The following CADM2 variants were observed in gnomAD, a reference collection of about 807,000 sequenced individuals.
CADM2 encodes the protein immunoglobulin superfamily member 4D.
A neutral mutation model predicts 49.8 loss-of-function variants in CADM2; 12 were observed. That is an observed-to-expected ratio of 0.24 (90% CI 0.15 to 0.39). The LOEUF (loss-of-function observed/expected upper bound fraction) is 0.39. Ranked by LOEUF, CADM2 falls within the 10% of genes least tolerant of loss-of-function variation. CADM2 has a pLI of 1.00. For synonymous variants in CADM2, 214 were observed against 175.4 expected, an observed-to-expected ratio of 1.22 and a Z score of -1.74; for missense variants, 378 against 492.3, an observed-to-expected ratio of 0.77 and a Z score of 2.20.
At chr3:85,487,599 A>G (rs1304366751) in intron 1 of CADM2, among the ~76,000 whole-genome samples, 1 of 150,016 alleles carries the variant, frequency 6.7e-6, no homozygotes, top group Non-Finnish European at 1.5e-5. Context: ...GAGAAGGAGG[A>G]AGTGGAGGAG....
chr3:85,594,216 T>A (rs1023907901), intron 1 of CADM2, among the ~76,000 whole-genome samples: 2 of 151,904 alleles, frequency 1.3e-5, no homozygotes, highest in South Asian at 2.1e-4. Context: ...AATGGACAGA[T>A]TCTTAAAGAT....
chr3:85,060,766 A>T (rs956514921), intron 1 of CADM2, among the ~76,000 whole-genome samples: 1 of 152,128 alleles, frequency 6.6e-6, no homozygotes, highest in African/African-American at 2.4e-5. Context: ...GCTTATAATA[A>T]AAGTGTTTAT....
chr3:86,068,381 A>C lies in CADM2; in HGVS notation c.*1598A>C, dbSNP rs1739551802. The C allele has an allele frequency of 6.6e-6, 1 of 152,022 alleles. No individual in the cohort carries two copies. The highest frequency in any genetic ancestry group is 1.5e-5 in the Non-Finnish European group (1 of 67,882). 9.4% of individuals were successfully genotyped at this position (152,022 alleles called of 1,614,324 possible). A position where few individuals can be genotyped will look rare whatever the true frequency, so the allele number is the denominator to read the frequency against. ...TATGCTAAAGAATAAAACTCCAGTT[A>C]GATTTAAAAAAATCCCATTTACAAG... On this transcript the variant is annotated 3_prime_UTR_variant, in exon 10 of 10. Coordinates refer to ENST00000383699, the MANE Select transcript of CADM2 (RefSeq NM_001167675.2).
intron 1 of CADM2, among the ~76,000 whole-genome samples, chr3:84,999,454 G>A (rs1576003211): frequency 1.3e-5 from 2 of 152,170 alleles, no homozygotes; most frequent in South Asian, 2.1e-4. Context: ...TCTCTCTGAG[G>A]TTCATCACAG....
At chr3:85,541,482 G>T (rs1054431763) in intron 1 of CADM2, among the ~76,000 whole-genome samples, 8 of 130,200 alleles carry the variant, frequency 6.1e-5, no homozygotes, top group Admixed American at 8.8e-5. Context: ...AGAGCATTTA[G>T]AAAGGAAAGA....
chr3:84,978,542 T>C (rs2031971799), intron 1 of CADM2, among the ~76,000 whole-genome samples: 1 of 152,156 alleles, frequency 6.6e-6, no homozygotes, highest in African/African-American at 2.4e-5. Context: ...TTTGTAATTG[T>C]GTTTATGTGT....
intron 1 of CADM2, among the ~76,000 whole-genome samples, chr3:85,142,852 C>G (rs1362546825): frequency 6.6e-6 from 1 of 152,090 alleles, no homozygotes; most frequent in African/African-American, 2.4e-5. Context: ...GGACGATGAC[C>G]CTAATGAACA....
rs1044634042 is a variant in CADM2 at position 85,293,461 on chromosome 3, C to G, written c.61+333793C>G. Among the ~76,000 whole-genome samples, 6 of 141,354 alleles carry G rather than the reference C, an allele frequency of 4.2e-5. No homozygotes were observed. In the East Asian group the frequency reaches 1.2e-3, roughly 28 times the overall value. 92.7% of individuals were successfully genotyped at this position (141,354 alleles called of 152,430 possible). A position where few individuals can be genotyped will look rare whatever the true frequency, so the allele number is the denominator to read the frequency against. On this transcript the variant is annotated intron_variant, in intron 1 of 9. Transcript: ENST00000383699. ...TATGAGGCCAGCATCATTCTGATAC[C>G]AAAGCCAGGCAGAGACACAACCAAA...
chr3:85,208,989 A>G (rs1054593610), intron 1 of CADM2, among the ~76,000 whole-genome samples: 2 of 152,176 alleles, frequency 1.3e-5, no homozygotes, highest in African/African-American at 4.8e-5. Flanking sequence ...TCTTTTGGAT[A>G]TTGAACATAT....
chr3:85,224,788 AG>A (rs1461514317), intron 1 of CADM2, among the ~76,000 whole-genome samples: 1 of 152,184 alleles, frequency 6.6e-6, no homozygotes, highest in African/African-American at 2.4e-5. Context: ...ATAAGGTGTA[AG>A]GAAGGGATCC....
intron 1 of CADM2, among the ~76,000 whole-genome samples, chr3:85,510,609 A>G (rs2040571375): frequency 6.6e-6 from 1 of 152,014 alleles, no homozygotes; most frequent in African/African-American, 2.4e-5. Flanking sequence ...AAGTTAAATA[A>G]CCAGTCAATA....
At chr3:85,717,765 TTTTG>T (rs1368171332) in intron 1 of CADM2, among the ~76,000 whole-genome samples, 7 of 152,016 alleles carry the variant, frequency 4.6e-5, no homozygotes, top group African/African-American at 1.4e-4. Flanking sequence ...TTGTGGGGGT[TTTTG>T]TTTGTTTGTT....
intron 2 of CADM2, among the ~76,000 whole-genome samples, chr3:85,730,684 T>C (rs2067894118): frequency 6.6e-6 from 1 of 152,196 alleles, no homozygotes. Context: ...AAAATAATTT[T>C]ATTTCACTCT....
In CADM2 at chr3:86,023,708, A is replaced by C. The variant is rs572987901; in HGVS notation, c.971-41897A>C. ...AGGATACGTCTTTGCCTTACTCTTA[A>C]AACAAATGCAACACCTATCTTCCAT... On this transcript the variant is annotated intron_variant, in intron 8 of 9. Coordinates refer to ENST00000383699, the MANE Select transcript of CADM2 (RefSeq NM_001167675.2). Among the ~76,000 whole-genome samples, 11 of 152,144 alleles carry C rather than the reference A, an allele frequency of 7.2e-5. No homozygotes were observed. In the South Asian group the frequency reaches 2.3e-3, roughly 32 times the overall value.
intron 1 of CADM2, among the ~76,000 whole-genome samples, chr3:85,360,062 C>T (rs1399235403): frequency 2.0e-5 from 3 of 151,568 alleles, no homozygotes; most frequent in African/African-American, 7.3e-5. Context: ...TTCACGTATA[C>T]AAAGATAAAT....
intron 1 of CADM2, among the ~76,000 whole-genome samples, chr3:85,625,818 T>C (rs1193050471): frequency 6.6e-6 from 1 of 151,998 alleles, no homozygotes; most frequent in South Asian, 2.1e-4. Context: ...TTTTCTCTAA[T>C]TAAAAATAAA....
chr3:85,130,398 C>T (rs1213523630), intron 1 of CADM2, among the ~76,000 whole-genome samples: 1 of 152,058 alleles, frequency 6.6e-6, no homozygotes, highest in Non-Finnish European at 1.5e-5. Context: ...GATGAATTGC[C>T]TAAGTCCAGG....
chr3:85,624,820 T>C (rs2064077611), intron 1 of CADM2, among the ~76,000 whole-genome samples: 1 of 152,136 alleles, frequency 6.6e-6, no homozygotes, highest in Non-Finnish European at 1.5e-5. Flanking sequence ...TTTTTAAGTT[T>C]TTTGTGGGTA....
chr3:85,417,256 A>T (rs1479267239), intron 1 of CADM2, among the ~76,000 whole-genome samples: 1 of 152,060 alleles, frequency 6.6e-6, no homozygotes, highest in Non-Finnish European at 1.5e-5. Context: ...AAATTTACTA[A>T]ATTTACTCTA....
Sources: gnomAD v4.1 joint callset for allele counts (sites outside exome capture counted in the v4.1 genomes callset) on GRCh38, gnomAD v4.1.1 for gene constraint, MANE v1.5 for transcripts, NCBI Gene and HGNC (gene_info 2026-07-23, HGNC 2026-07-21) for gene names.